The following ARID1B variants were observed in gnomAD, a reference collection of about 807,000 sequenced individuals.
ARID1B encodes the protein AT-rich interactive domain-containing protein 1B.
Under a neutral mutation model 212.3 loss-of-function variants are expected in ARID1B, and 30 were observed. That is an observed-to-expected ratio of 0.14 (90% CI 0.11 to 0.19). The LOEUF is 0.19. Ranked by LOEUF, ARID1B falls within the 10% of genes least tolerant of loss-of-function variation. The pLI is 1.00. For missense variants in ARID1B, 2,891 were observed against 3,204.0 expected (o/e 0.90, Z 2.36); for synonymous variants, 1,402 against 1,301.7 (o/e 1.08, Z -1.66).
At chr6:157,127,783 C>CAAAAAAAAAAAAA (rs61172896) in intron 6 of ARID1B, among the ~76,000 whole-genome samples, 1 of 56,794 alleles carries the variant, frequency 1.8e-5, no homozygotes, top group African/African-American at 6.4e-5. Flanking sequence ...GACTCTGTCT[C>CAAAAAAAAAAAAA]AAAAAAAAAA....
intron 4 of ARID1B, among the ~76,000 whole-genome samples, chr6:157,017,963 CAA>C (rs112983063): frequency 2.5e-4 from 24 of 97,312 alleles, no homozygotes; most frequent in Non-Finnish European, 3.3e-4. Flanking sequence ...ACCATCTCTA[CAA>C]AAAAAAAAAA....
chr6:156,802,854 CAT>C (rs1165157239), intron 1 of ARID1B, among the ~76,000 whole-genome samples: 1 of 152,142 alleles, frequency 6.6e-6, no homozygotes, highest in East Asian at 1.9e-4. Context: ...TATATGTGTA[CAT>C]ATGTGTTTAT....
chr6:156,872,940 C>A (rs976026539), intron 2 of ARID1B, among the ~76,000 whole-genome samples: 1 of 152,156 alleles, frequency 6.6e-6, no homozygotes, highest in Non-Finnish European at 1.5e-5. Context: ...CTGGACACTC[C>A]CCTCCTGCTC....
chr6:156,777,831 G>GCGGCGGCAC lies in ARID1B; in HGVS notation c.155_163dup (p.Ala52_Pro54dup), dbSNP rs1482408412. 3 of 1,123,000 alleles carry GCGGCGGCAC rather than the reference G, an allele frequency of 2.7e-6. No individual in the cohort carries two copies. Among genetic ancestry groups the GCGGCGGCAC allele is most frequent in the Non-Finnish European group, 3.3e-6 (3 of 917,566 alleles). 69.6% of individuals were successfully genotyped at this position (1,123,000 alleles called of 1,614,324 possible). ...GGGGGCGCGCGGCGCGGCGGCGGCG[G>GCGGCGGCAC]CGGCGGCACCGGGACCCATGCTGGG... is the stretch of plus-strand genomic sequence containing the variant. On this transcript the variant is annotated inframe_insertion, in exon 1 of 20. Coordinates refer to ENST00000636930, the MANE Select transcript of ARID1B (RefSeq NM_001374828.1).
upstream of ARID1B, chr6:156,776,339 G>A (rs1024477413): frequency 3.9e-5 from 6 of 151,990 alleles, no homozygotes; most frequent in African/African-American, 1.5e-4. Flanking sequence ...AACAAAGTAT[G>A]GAACATTTCT....
At chr6:156,816,650 C>T (rs1039588583) in intron 1 of ARID1B, among the ~76,000 whole-genome samples, 24 of 152,126 alleles carry the variant, frequency 1.6e-4, no homozygotes, top group African/African-American at 5.6e-4. Context: ...GCTGGAAGTG[C>T]GTCTTCCGTT....
chr6:156,849,140 T>G (rs987006887), intron 2 of ARID1B, among the ~76,000 whole-genome samples: 4 of 152,220 alleles, frequency 2.6e-5, no homozygotes. Flanking sequence ...CTAAATTATG[T>G]CCAGCATTTC....
chr6:156,940,949 A>G (rs927475022), intron 4 of ARID1B: 8 of 152,224 alleles, frequency 5.3e-5, no homozygotes, highest in Non-Finnish European at 7.3e-5. Flanking sequence ...GTGTATGGCT[A>G]TTGAATGAAG....
chr6:157,081,153 T>C (rs1224788486), intron 4 of ARID1B, among the ~76,000 whole-genome samples: 1 of 152,230 alleles, frequency 6.6e-6, no homozygotes, highest in African/African-American at 2.4e-5. Flanking sequence ...TGCCTGCAAT[T>C]ACCTCACCTG....
chr6:156,916,484 G>A (rs1790366774), intron 3 of ARID1B, among the ~76,000 whole-genome samples: 1 of 152,120 alleles, frequency 6.6e-6, no homozygotes, highest in Non-Finnish European at 1.5e-5. Context: ...ATTTGAAGAA[G>A]TTGCTTCCAT....
At position 157,149,001 on chromosome 6, in the gene ARID1B, G is replaced by T. The variant is rs778797929; in HGVS notation, c.3089+50G>T. ...GGGCAGGTACGCTGTGTGTCTACCC[G>T]TGACCACGTGACTGCGCACATAGCT... On this transcript the variant is annotated intron_variant, in intron 8 of 19. Coordinates refer to ENST00000636930, the MANE Select transcript of ARID1B (RefSeq NM_001374828.1). 12 of 1,533,654 alleles carry T rather than the reference G, an allele frequency of 7.8e-6. No individual in the cohort carries two copies. In the South Asian group the frequency reaches 1.1e-4, roughly 14 times the overall value.
intron 1 of ARID1B, among the ~76,000 whole-genome samples, chr6:156,823,598 G>T (rs1387186124): frequency 2.0e-5 from 3 of 151,380 alleles, no homozygotes; most frequent in African/African-American, 7.3e-5. Context: ...AGAGGGAAGA[G>T]TTTTCTATCA....
intron 2 of ARID1B, among the ~76,000 whole-genome samples, chr6:156,871,970 T>C (rs1352704448): frequency 6.6e-6 from 1 of 152,242 alleles, no homozygotes; most frequent in East Asian, 1.9e-4. Flanking sequence ...TTTCTGTTTT[T>C]CTCCATGTTC....
chr6:157,087,224 A>C (rs1343401618), intron 5 of ARID1B, among the ~76,000 whole-genome samples: 1 of 152,212 alleles, frequency 6.6e-6, no homozygotes, highest in South Asian at 2.1e-4. Context: ...GCAAAGCTAC[A>C]TGGGGTTAGA....
At chr6:156,835,326 A>G (rs1275560559) in intron 2 of ARID1B, among the ~76,000 whole-genome samples, 2 of 151,592 alleles carry the variant, frequency 1.3e-5, no homozygotes, top group Non-Finnish European at 2.9e-5. Context: ...TTTATATTGT[A>G]TTTGGGTTTA....
chr6:157,083,472 C>T (rs762458293), intron 4 of ARID1B, among the ~76,000 whole-genome samples: 1 of 152,202 alleles, frequency 6.6e-6, no homozygotes, highest in Non-Finnish European at 1.5e-5. Flanking sequence ...GTGATGCAGG[C>T]TGAAGTAAAG....
chr6:156,874,862 C>T (rs1044343998), intron 2 of ARID1B, among the ~76,000 whole-genome samples: 3 of 152,076 alleles, frequency 2.0e-5, no homozygotes, highest in South Asian at 2.1e-4. Context: ...TCTTTATGGT[C>T]GTGGCATATT....
rs202177030 is a variant in ARID1B at position 156,805,896 on chromosome 6, C to CA, written c.1792-23330dup. Among the ~76,000 whole-genome samples, 1,210 of 152,158 alleles carry CA rather than the reference C, an allele frequency of 8.0e-3. 32 individuals are homozygous for CA. Among genetic ancestry groups the CA allele is most frequent in the Admixed American group, 0.044 (679 of 15,278 alleles). On this transcript the variant is annotated intron_variant, in intron 1 of 19. Coordinates refer to ENST00000636930, the MANE Select transcript of ARID1B (RefSeq NM_001374828.1). ...CTCGCTGTGTTGCCTAAACTGGTCTCAGAGTCCTGGCCTCAAGTGATCCTC... is the reference window on the plus strand; with the variant it reads ...CTCGCTGTGTTGCCTAAACTGGTCTCAAGAGTCCTGGCCTCAAGTGATCCTC...
intron 5 of ARID1B, among the ~76,000 whole-genome samples, chr6:157,098,265 C>G (rs1785793073): frequency 6.6e-6 from 1 of 152,162 alleles, no homozygotes. Context: ...GGTGGCTGTT[C>G]AGCATTTTAT....
Sources: gnomAD v4.1 joint callset for allele counts (sites outside exome capture counted in the v4.1 genomes callset) on GRCh38, gnomAD v4.1.1 for gene constraint, MANE v1.5 for transcripts, NCBI Gene and HGNC (gene_info 2026-07-23, HGNC 2026-07-21) for gene names.